Variants in KLHL29 observed in about 807,000 individuals in gnomAD.
KLHL29 encodes kelch like family member 29, also known as kelch-like protein 29.
A neutral mutation model predicts 80.4 loss-of-function variants in KLHL29; 21 were observed. That is an observed-to-expected ratio of 0.26 (90% confidence interval 0.19 to 0.38). KLHL29 has a LOEUF of 0.38. Ranked by LOEUF, KLHL29 falls within the 10% of genes least tolerant of loss-of-function variation. The pLI, the probability that KLHL29 is intolerant of heterozygous loss-of-function variation, is 1.00. For missense variants in KLHL29, 867 were observed against 1,223.9 expected, an observed-to-expected ratio of 0.71 and a Z score of 4.35; for synonymous variants, 511 against 526.8, an observed-to-expected ratio of 0.97 and a Z score of 0.41.
intron 1 of KLHL29, among the ~76,000 whole-genome samples, chr2:23,412,145 A>AGGGGGGGGG (rs1666881035): frequency 7.2e-6 from 1 of 138,506 alleles, no homozygotes; most frequent in African/African-American, 2.8e-5. Context: ...GCGGTGCGGT[A>AGGGGGGGGG]GAGGTAGGAT....
At position 23,656,640 on chromosome 2, in the gene KLHL29, C is replaced by T. The variant is rs76213761; in HGVS notation, c.940+13790C>T. 6.9e-3 allele frequency among the ~76,000 whole-genome samples: 1,046 copies of T among 152,272 alleles called. 10 individuals carry two copies. Among genetic ancestry groups the T allele is most frequent in the African/African-American group, 0.024 (981 of 41,538 alleles). ...AGTTCTTCCAGACTGCACAGGTGTC[C>T]GGTCTGTCTGTGATGCCCGCTTAAG... On this transcript the variant is annotated intron_variant, in intron 5 of 13. Coordinates refer to ENST00000486442, the MANE Select transcript of KLHL29 (RefSeq NM_052920.2).
chr2:23,635,588 CTG>C (rs1407914420), intron 3 of KLHL29, among the ~76,000 whole-genome samples: 2 of 152,242 alleles, frequency 1.3e-5, no homozygotes, highest in Non-Finnish European at 2.9e-5. Context: ...TGCCATAAAA[CTG>C]TGACCTTTGA....
chr2:23,477,627 G>A (rs1664674899), intron 2 of KLHL29, among the ~76,000 whole-genome samples: 1 of 152,258 alleles, frequency 6.6e-6, no homozygotes, highest in Admixed American at 6.5e-5. Context: ...TGGCACCACT[G>A]GTGGGCGACA....
At chr2:23,667,365 G>GA (rs1558431274) in intron 5 of KLHL29, 1 of 152,164 alleles carries the variant, frequency 6.6e-6, no homozygotes, top group East Asian at 1.9e-4. Context: ...ACATACTCTT[G>GA]AATCAGAAAC....
At chr2:23,677,945 A>G (rs1670968695) in intron 5 of KLHL29, among the ~76,000 whole-genome samples, 1 of 152,234 alleles carries the variant, frequency 6.6e-6, no homozygotes, top group East Asian at 1.9e-4. Flanking sequence ...TGAGCTCTGA[A>G]AAAAATGATT....
intron 3 of KLHL29, among the ~76,000 whole-genome samples, chr2:23,611,500 A>G (rs922743535): frequency 2.0e-5 from 3 of 152,238 alleles, no homozygotes; most frequent in Non-Finnish European, 2.9e-5. Flanking sequence ...ATCCCGTATT[A>G]CTAGTATCCC....
At chr2:23,524,630 G>C (rs71437493) in intron 2 of KLHL29, among the ~76,000 whole-genome samples, 15 of 152,202 alleles carry the variant, frequency 9.9e-5, no homozygotes, top group African/African-American at 3.6e-4. Context: ...GTGGAGGGAC[G>C]AGGTGGTTGA....
At chr2:23,463,323 T>C (rs1237898980) in intron 1 of KLHL29, among the ~76,000 whole-genome samples, 1 of 152,226 alleles carries the variant, frequency 6.6e-6, no homozygotes, top group African/African-American at 2.4e-5. Context: ...CTGTTTATAA[T>C]AACATACAGA....
chr2:23,628,152 C>T (rs533215596), intron 3 of KLHL29, among the ~76,000 whole-genome samples: 2 of 152,246 alleles, frequency 1.3e-5, no homozygotes, highest in South Asian at 4.1e-4. Context: ...CCTCGTGATC[C>T]ACCCGCATTG....
At position 23,442,717 on chromosome 2, in the gene KLHL29, G is replaced by A. The variant is rs549130792; in HGVS notation, c.-153-32843G>A. On this transcript the variant is annotated intron_variant, in intron 1 of 13. Transcript: ENST00000486442. ...GTTTGTGGTAATTTGTTACAGCAGC[G>A]AGAGGAAACAAATGCACATGTACAA... Among the ~76,000 whole-genome samples the A allele has an allele frequency of 7.8e-4, 119 of 152,218 alleles. 3 individuals are homozygous for A. The highest frequency in any genetic ancestry group is 7.7e-3 in the Admixed American group (118 of 15,282).
At chr2:23,691,327 G>A in intron 6 of KLHL29, 1 of 318,492 alleles carries the variant, frequency 3.1e-6, no homozygotes. Flanking sequence ...GGCCTGCTTT[G>A]GTGGAGACAC....
At chr2:23,530,772 C>T (rs978296753) in intron 2 of KLHL29, among the ~76,000 whole-genome samples, 5 of 152,128 alleles carry the variant, frequency 3.3e-5, no homozygotes, top group African/African-American at 9.7e-5. Context: ...TCCACCCCAG[C>T]TCCCACATCC....
At chr2:23,564,023 C>T (rs964432419) in intron 3 of KLHL29, among the ~76,000 whole-genome samples, 1 of 152,278 alleles carries the variant, frequency 6.6e-6, no homozygotes, top group Non-Finnish European at 1.5e-5. Context: ...GGCAGGCGCT[C>T]TGCAGGGCCA....
intron 2 of KLHL29, among the ~76,000 whole-genome samples, chr2:23,484,578 C>T (rs1332272672): frequency 6.6e-6 from 1 of 152,246 alleles, no homozygotes; most frequent in Non-Finnish European, 1.5e-5. Flanking sequence ...CTGGGATCAG[C>T]ACTCTGGGAT....
chr2:23,598,340 C>T (rs1008222949), intron 3 of KLHL29, among the ~76,000 whole-genome samples: 18 of 152,174 alleles, frequency 1.2e-4, no homozygotes, highest in African/African-American at 4.1e-4. Flanking sequence ...GAAGTCAGGT[C>T]CCACTGACTT....
At chr2:23,390,434 T>C (rs558614665) in intron 1 of KLHL29, among the ~76,000 whole-genome samples, 6 of 152,272 alleles carry the variant, frequency 3.9e-5, no homozygotes, top group African/African-American at 1.4e-4. Context: ...AGGCTGCCAT[T>C]GGCCTCACAG....
At chr2:23,704,468 A>G (rs934315154) in intron 13 of KLHL29, among the ~76,000 whole-genome samples, 1 of 152,192 alleles carries the variant, frequency 6.6e-6, no homozygotes, top group African/African-American at 2.4e-5. Flanking sequence ...GGAACAAGGA[A>G]TAAAAAGGGG....
intron 3 of KLHL29, among the ~76,000 whole-genome samples, chr2:23,597,695 G>C (rs1378236142): frequency 2.6e-5 from 4 of 151,940 alleles, no homozygotes; most frequent in Non-Finnish European, 5.9e-5. Context: ...AAAGTGCTGG[G>C]ATTACAGGCA....
chr2:23,447,876 G>A (rs769278662), intron 1 of KLHL29, among the ~76,000 whole-genome samples: 18 of 152,108 alleles, frequency 1.2e-4, no homozygotes, highest in Admixed American at 2.0e-4. Context: ...GAACCTGCTG[G>A]GAGTATCATG....
Sources: allele counts gnomAD v4.1 joint callset (sites outside exome capture counted in the v4.1 genomes callset), GRCh38; gene constraint gnomAD v4.1.1; transcripts MANE v1.5; gene names NCBI Gene and HGNC (gene_info 2026-07-23, HGNC 2026-07-21).